Variants in DMD observed in about 807,000 individuals in gnomAD.
DMD encodes the protein dystrophin, also known as mutant dystrophin.
DMD carries 63 observed loss-of-function variants against 330.1 expected under a neutral mutation model. That is an observed-to-expected ratio of 0.19 (90% confidence interval 0.16 to 0.24). The LOEUF is 0.24. DMD is among the 10% of genes least tolerant of loss of function. DMD has a pLI of 1.00. For missense variants in DMD, 3,344 were observed against 2,684.1 expected, an observed-to-expected ratio of 1.25 and a Z score of -5.43; for synonymous variants, 1,223 against 959.8, an observed-to-expected ratio of 1.27 and a Z score of -5.07.
chrX:33,104,540 C>T (rs971925327), intron 1 of DMD, among the ~76,000 whole-genome samples: 1 of 107,856 alleles, frequency 9.3e-6, no homozygotes, highest in Non-Finnish European at 1.9e-5. Flanking sequence ...TGCCAGAGAA[C>T]AACCCCCCTT....
At chrX:31,453,781 A>AAAAAAAAAAAAC in intron 59 of DMD, among the ~76,000 whole-genome samples, 2 of 104,582 alleles carry the variant, frequency 1.9e-5, no homozygotes, top group Non-Finnish European at 3.9e-5. Context: ...AAAAAAAAAA[A>AAAAAAAAAAAAC]AAAAAAAAAC....
intron 12 of DMD, among the ~76,000 whole-genome samples, chrX:32,611,089 CTT>C (rs955229929): frequency 1.2e-4 from 13 of 110,672 alleles, no homozygotes; most frequent in African/African-American, 4.3e-4. Flanking sequence ...AAAGTCAACT[CTT>C]TGCTAAATTG....
intron 7 of DMD, among the ~76,000 whole-genome samples, chrX:32,781,873 A>G (rs2074800425): frequency 9.0e-6 from 1 of 111,385 alleles, no homozygotes; most frequent in Non-Finnish European, 1.9e-5. Flanking sequence ...TAAGAGACAT[A>G]AATTACATGT....
At chrX:32,080,599 A>T (rs902950187) in intron 44 of DMD, among the ~76,000 whole-genome samples, 6 of 112,040 alleles carry the variant, frequency 5.4e-5, no homozygotes, top group African/African-American at 1.9e-4. Context: ...AAGGGATTAC[A>T]TAACAATAAG....
intron 1 of DMD, among the ~76,000 whole-genome samples, chrX:33,040,798 G>A (rs2094286970): frequency 8.9e-6 from 1 of 111,737 alleles, no homozygotes; most frequent in African/African-American, 3.3e-5. Context: ...AAGAAAATGA[G>A]ACTTGCAAAA....
At chrX:31,959,579 T>C (rs937995626) in intron 45 of DMD, among the ~76,000 whole-genome samples, 3 of 111,419 alleles carry the variant, frequency 2.7e-5, no homozygotes, top group Non-Finnish European at 3.8e-5. Context: ...GTTAAGCATA[T>C]TACTTTTTGC....
At chrX:31,519,325 T>C (rs1385631270) in intron 55 of DMD, among the ~76,000 whole-genome samples, 1 of 112,397 alleles carries the variant, frequency 8.9e-6, no homozygotes, top group East Asian at 2.8e-4. Context: ...GGTTGTATAT[T>C]AGAAAAAAGC....
chrX:31,162,944 C>T (rs761258087), intron 74 of DMD, among the ~76,000 whole-genome samples: 52 of 111,801 alleles, frequency 4.7e-4, no homozygotes, highest in Middle Eastern at 9.3e-3. Flanking sequence ...TCCTGTCCTC[C>T]CTGCCTGAGT....
chrX:32,934,382 A>AT (rs2089833752), intron 2 of DMD, among the ~76,000 whole-genome samples: 1 of 110,826 alleles, frequency 9.0e-6, no homozygotes, highest in Admixed American at 9.6e-5. Context: ...AAGAGAGACC[A>AT]TATCTTTAAA....
chrX:31,767,632 CA>C (rs1221165911), intron 51 of DMD, among the ~76,000 whole-genome samples: 2 of 111,702 alleles, frequency 1.8e-5, no homozygotes, highest in Non-Finnish European at 3.8e-5. Context: ...AACCAAGAAA[CA>C]TTCTGTTTTG....
chrX:31,254,449 C>T lies in DMD; in HGVS notation c.9286+6506G>A, dbSNP rs6631284. 4.3e-4 allele frequency among the ~76,000 whole-genome samples: 47 copies of T among 110,332 alleles called. 1 individual carries two copies. Among genetic ancestry groups the T allele is most frequent in the Non-Finnish European group, 2.8e-4 (15 of 52,735 alleles). On this transcript the variant is annotated intron_variant, in intron 63 of 78. Transcript: ENST00000357033. ...TCGGCTCACTGCAGTCTCGTCCTCC[C>T]GGGCTCAAGCGACCCTCCCACCTCA...
intron 44 of DMD, among the ~76,000 whole-genome samples, chrX:32,130,490 T>G (rs1326533006): frequency 3.6e-5 from 4 of 111,185 alleles, no homozygotes; most frequent in Non-Finnish European, 7.5e-5. Context: ...ATCACATAAC[T>G]CCTCTGGTTA....
At chrX:32,440,737 A>G (rs1191488559) in intron 28 of DMD, among the ~76,000 whole-genome samples, 1 of 112,018 alleles carries the variant, frequency 8.9e-6, no homozygotes, top group Admixed American at 9.5e-5. Context: ...TATCCATTTA[A>G]TAACTCAAAA....
intron 51 of DMD, among the ~76,000 whole-genome samples, chrX:31,765,052 T>A (rs2089899122): frequency 1.8e-5 from 2 of 108,760 alleles, no homozygotes; most frequent in African/African-American, 6.6e-5. Context: ...TCCTGTTGCT[T>A]TTTTTTTTTC....
chrX:32,703,077 G>T (rs2064279414), intron 7 of DMD, among the ~76,000 whole-genome samples: 2 of 111,341 alleles, frequency 1.8e-5, no homozygotes, highest in South Asian at 7.6e-4. Context: ...CTTTGCCAGA[G>T]TGGATTCACT....
At chrX:32,918,063 T>C (rs1250489962) in intron 2 of DMD, among the ~76,000 whole-genome samples, 6 of 110,682 alleles carry the variant, frequency 5.4e-5, no homozygotes, top group Non-Finnish European at 1.1e-4. Context: ...TGGCAGTCCC[T>C]AGTCACATTC....
In DMD at chrX:32,610,301, G is replaced by T. The variant is rs1305656784; in HGVS notation, c.1482+4002C>A. ...AAGGATGAGTGGTTTCTCCCAAATG[G>T]TGCAGCCAATTGAACTTTTCTTGGT... On this transcript the variant is annotated intron_variant, in intron 12 of 78. Transcript: ENST00000357033. Among the ~76,000 whole-genome samples the T allele has an allele frequency of 2.7e-5, 3 of 111,130 alleles. No homozygotes were observed. The East Asian group carries it at 8.6e-4, about 32-fold the overall frequency.
At chrX:32,601,555 T>G (rs985200724) in intron 12 of DMD, among the ~76,000 whole-genome samples, 1 of 111,592 alleles carries the variant, frequency 9.0e-6, no homozygotes, top group Middle Eastern at 4.2e-3. Flanking sequence ...AAAAATAAAG[T>G]AGACAATTAA....
rs187411346 is a variant in DMD at position 31,454,921 on chromosome X, T to C, written c.8938-10294A>G. On this transcript the variant is annotated intron_variant, in intron 59 of 78. Transcript: ENST00000357033. Reference sequence around the variant, plus strand: ...AGCACACACCACTGGCATTGATATATATATATTTTTAAGTTAGTTTTTTCT... The same window carrying C: ...AGCACACACCACTGGCATTGATATACATATATTTTTAAGTTAGTTTTTTCT... 6.9e-3 allele frequency among the ~76,000 whole-genome samples: 721 copies of C among 104,668 alleles called. 12 individuals carry two copies. The highest frequency in any genetic ancestry group is 0.047 in the East Asian group (157 of 3,338). 90.9% of individuals were successfully genotyped at this position (104,668 alleles called of 115,157 possible).
Sources: gnomAD v4.1 joint callset for allele counts (sites outside exome capture counted in the v4.1 genomes callset) on GRCh38, gnomAD v4.1.1 for gene constraint, MANE v1.5 for transcripts, NCBI Gene and HGNC (gene_info 2026-07-23, HGNC 2026-07-21) for gene names.